ENKUR: variants seen among roughly 807,000 people sequenced by gnomAD.
ENKUR encodes enkurin, TRPC channel interacting protein.
In ENKUR, 19 loss-of-function variants were observed where a neutral mutation model predicts 27.6. The observed-to-expected ratio is 0.69, with a 90% CI of 0.48 to 1.01. The LOEUF is 1.01. Among genes scored for constraint, ENKUR ranks in the 50% least tolerant of loss-of-function variants. The probability of loss-of-function intolerance (pLI) is 0.00; values close to 1 mark genes in which losing one functional copy is unlikely to be tolerated. For missense variants in ENKUR, 312 were observed against 310.5 expected, an observed-to-expected ratio of 1.00 and a Z score of -0.04; for synonymous variants, 117 against 96.9, an observed-to-expected ratio of 1.21 and a Z score of -1.22.
Position 24,991,853 on chromosome 10 carries a change from T to C in ENKUR, c.448-1244A>G, listed in dbSNP as rs1366615584. On this transcript the variant is annotated intron_variant, in intron 3 of 5. Transcript: ENST00000331161. ...GGACAGCTAAACCAAAAGAGCACCC[T>C]GTAACACACGCCCACTGCGGCTTCA... Among the ~76,000 whole-genome samples, 4 of 152,310 alleles carry C rather than the reference T, an allele frequency of 2.6e-5. No individual in the cohort carries two copies. In the East Asian group the frequency reaches 7.7e-4, roughly 29 times the overall value.
At chr10:25,015,005 T>C (rs909279459) in intron 1 of ENKUR, among the ~76,000 whole-genome samples, 1 of 152,230 alleles carries the variant, frequency 6.6e-6, no homozygotes, top group African/African-American at 2.4e-5. Flanking sequence ...GGCCCGATTT[T>C]TAGTCCAGTC....
At position 24,983,787 on chromosome 10, in the gene ENKUR, T is replaced by G. The variant is rs1285243574; in HGVS notation, c.*583A>C. 3 of 152,190 alleles carry G rather than the reference T, an allele frequency of 2.0e-5. No individual in the cohort carries two copies. Among genetic ancestry groups the G allele is most frequent in the East Asian group, 1.9e-4 (1 of 5,200 alleles). The allele number at this position is 152,190 out of a possible 1,614,324, so 9.4% of individuals were successfully genotyped here. A position where few individuals can be genotyped will look rare whatever the true frequency, so the allele number is the denominator to read the frequency against. On this transcript the variant is annotated 3_prime_UTR_variant, in exon 6 of 6. Transcript: ENST00000331161. Reference sequence around the variant, plus strand: ...GTAGAAATTGTTATTTCTCTGATATTTTATAGTTGCATATATTTTACCAAA... The same window carrying G: ...GTAGAAATTGTTATTTCTCTGATATGTTATAGTTGCATATATTTTACCAAA...
intron 2 of ENKUR, among the ~76,000 whole-genome samples, chr10:25,046,858 G>C (rs1484595432): frequency 1.3e-5 from 2 of 152,168 alleles, no homozygotes; most frequent in Admixed American, 1.3e-4. Flanking sequence ...TTGTTGAATG[G>C]TGGCTGTACT....
At chr10:25,009,053 C>T (rs1031397462) in intron 1 of ENKUR, among the ~76,000 whole-genome samples, 23 of 152,024 alleles carry the variant, frequency 1.5e-4, no homozygotes, top group Middle Eastern at 3.2e-3. Context: ...GGGAATTGAA[C>T]AGTGAGAACA....
intron 5 of ENKUR, 170 bp from the exon 6 acceptor site, chr10:24,984,546 TA>T: frequency 1.8e-6 from 2 of 1,103,948 alleles, no homozygotes; most frequent in South Asian, 1.8e-5. Flanking sequence ...GTGACACTAG[TA>T]AAAACAAAAT....
At chr10:24,988,384 G>GTATATATATTTATATATA (rs1186692491) in intron 4 of ENKUR, among the ~76,000 whole-genome samples, 5 of 141,970 alleles carry the variant, frequency 3.5e-5, no homozygotes, top group Non-Finnish European at 7.6e-5. Context: ...ATGTATATAT[G>GTATATATATTTATATATA]TGTATATATT....
intron 1 of ENKUR, among the ~76,000 whole-genome samples, chr10:25,009,007 C>G (rs568520206): frequency 6.6e-5 from 10 of 152,074 alleles, no homozygotes; most frequent in Non-Finnish European, 1.2e-4. Context: ...ATCACAAGGA[C>G]AAAAAACCAA....
chr10:25,018,099 T>C (rs904698428), upstream of ENKUR, among the ~76,000 whole-genome samples: 1 of 152,224 alleles, frequency 6.6e-6, no homozygotes, highest in Non-Finnish European at 1.5e-5. Context: ...ATTTCACTGA[T>C]GTCTGTATAT....
chr10:25,033,401 C>CAAAAAAAAAAAA (rs34472195), intron 2 of ENKUR, among the ~76,000 whole-genome samples: 3 of 59,994 alleles, frequency 5.0e-5, no homozygotes, highest in African/African-American at 2.2e-4. Flanking sequence ...AAGACCTCGT[C>CAAAAAAAAAAAA]AAAAAAAAAA....
At chr10:25,020,050 T>A (rs1319387565), upstream of ENKUR, among the ~76,000 whole-genome samples, 1 of 152,094 alleles carries the variant, frequency 6.6e-6, no homozygotes, top group African/African-American at 2.4e-5. Context: ...GCCCCTAAAA[T>A]CAATTTGTGG....
rs1849688169 is a variant in ENKUR, at chr10:24,982,447, T to C, written c.*1923A>G. On this transcript the variant is annotated 3_prime_UTR_variant, in exon 6 of 6. Coordinates refer to ENST00000331161, the MANE Select transcript of ENKUR (RefSeq NM_145010.4). ...GCCAGACCACATCAAATCTTTATTC[T>C]ACCCATTCTTCCTTTGAACAGGAAG... The C allele has an allele frequency of 6.6e-6, 1 of 152,228 alleles. No homozygotes were observed. Among genetic ancestry groups the C allele is most frequent in the Non-Finnish European group, 1.5e-5 (1 of 68,056 alleles). The allele number at this position is 152,228 out of a possible 1,614,324, so 9.4% of individuals were successfully genotyped here. A position where few individuals can be genotyped will look rare whatever the true frequency, so the allele number is the denominator to read the frequency against.
At position 25,024,697 on chromosome 10, in the gene ENKUR, A is replaced by G. The variant is rs147185045; in HGVS notation, c.38-28828T>C. 3.7e-6 allele frequency: 6 copies of G among 1,614,100 alleles called. No individual in the cohort carries two copies. The highest frequency in any genetic ancestry group is 5.1e-6 in the Non-Finnish European group (6 of 1,180,042). On this transcript the variant is annotated intron_variant, in intron 2 of 5. Transcript: ENST00000615958. ...TGCTTCCGCATATCTTGATCTTGTT[A>G]GTCAAGGATTTATTTCTTTTGGAAG...
chr10:25,003,661 C>T (rs962829835), intron 1 of ENKUR, among the ~76,000 whole-genome samples: 2 of 152,058 alleles, frequency 1.3e-5, no homozygotes, highest in African/African-American at 4.8e-5. Flanking sequence ...CTAGTGGTGA[C>T]TTTATTAGAT....
intron 2 of ENKUR, among the ~76,000 whole-genome samples, chr10:25,052,186 G>A (rs763028667): frequency 6.6e-6 from 1 of 152,142 alleles, no homozygotes; most frequent in Non-Finnish European, 1.5e-5. Context: ...AGTCTAATAA[G>A]TGAGAAATGA....
At chr10:25,017,083 C>CT (rs912801004), upstream of ENKUR, among the ~76,000 whole-genome samples, 8 of 152,204 alleles carry the variant, frequency 5.3e-5, no homozygotes, top group African/African-American at 1.9e-4. Flanking sequence ...TGCGCCTGCT[C>CT]TTCCCCGGGT....
intron 2 of ENKUR, among the ~76,000 whole-genome samples, chr10:25,060,294 C>T (rs776091913): frequency 1.4e-4 from 21 of 152,118 alleles, no homozygotes; most frequent in Non-Finnish European, 2.9e-4. Context: ...GAACAGGCTC[C>T]GGAGGAGGAA....
chr10:25,047,572 A>G (rs1463947788), intron 2 of ENKUR, among the ~76,000 whole-genome samples: 1 of 152,250 alleles, frequency 6.6e-6, no homozygotes, highest in African/African-American at 2.4e-5. Flanking sequence ...TTAACAAAGC[A>G]GTATCAACAA....
chr10:25,019,936 T>C (rs545331827), upstream of ENKUR, among the ~76,000 whole-genome samples: 5 of 152,242 alleles, frequency 3.3e-5, no homozygotes, highest in African/African-American at 1.2e-4. Context: ...GTGAAGTCCA[T>C]ATATATGCCT....
intron 2 of ENKUR, among the ~76,000 whole-genome samples, chr10:25,040,282 G>A (rs1234155494): frequency 6.6e-6 from 1 of 152,036 alleles, no homozygotes; most frequent in East Asian, 1.9e-4. Context: ...AGAAGGAGTG[G>A]TGAAGTCACA....
Sources: gnomAD v4.1 joint callset for allele counts (sites outside exome capture counted in the v4.1 genomes callset) on GRCh38, gnomAD v4.1.1 for gene constraint, MANE v1.5 for transcripts, NCBI Gene and HGNC (gene_info 2026-07-23, HGNC 2026-07-21) for gene names.